The following CADM2 variants were observed in gnomAD, a reference collection of about 807,000 sequenced individuals.
CADM2 encodes the protein cell adhesion molecule 2, also known as immunoglobulin superfamily member 4D.
CADM2 carries 12 observed loss-of-function variants against 49.8 expected under a neutral mutation model. The ratio of observed to expected loss-of-function variants is 0.24; its 90% CI spans 0.15 to 0.39. CADM2 has a LOEUF of 0.39. Among genes scored for constraint, CADM2 ranks in the 10% least tolerant of loss-of-function variants. The pLI is 1.00. For synonymous variants in CADM2, 214 were observed against 175.4 expected (o/e 1.22, Z -1.74); for missense variants, 378 against 492.3 (o/e 0.77, Z 2.20).
chr3:85,693,817 A>AC (rs1194105552), intron 1 of CADM2, among the ~76,000 whole-genome samples: 3 of 149,208 alleles, frequency 2.0e-5, no homozygotes, highest in African/African-American at 7.4e-5. Flanking sequence ...AATCACTTGA[A>AC]CCCGGGAGGC....
In CADM2 at chr3:84,981,403, A is replaced by C. The variant is rs986094373; in HGVS notation, c.61+21735A>C. On this transcript the variant is annotated intron_variant, in intron 1 of 9. Transcript: ENST00000383699. Reference sequence around the variant, plus strand: ...CTAGGGTGCCAGAGAAAGGAGGGGCACAGAAGACAGAAAAGGGAGGAATCT... The same window carrying C: ...CTAGGGTGCCAGAGAAAGGAGGGGCCCAGAAGACAGAAAAGGGAGGAATCT... Among the ~76,000 whole-genome samples, 7 of 152,096 alleles carry C rather than the reference A, an allele frequency of 4.6e-5. No individual in the cohort carries two copies. In the East Asian group the frequency reaches 1.4e-3, roughly 29 times the overall value.
chr3:85,693,894 T>TA (rs533492777), intron 1 of CADM2, among the ~76,000 whole-genome samples: 246 of 76,334 alleles, frequency 3.2e-3, no homozygotes, highest in Middle Eastern at 9.1e-3. Flanking sequence ...AGACTCCCTC[T>TA]AAAAAAAAAA....
chr3:85,748,012 A>G (rs2068689936), intron 2 of CADM2, among the ~76,000 whole-genome samples: 2 of 152,136 alleles, frequency 1.3e-5, no homozygotes, highest in Non-Finnish European at 2.9e-5. Context: ...AATGCAAAGA[A>G]ATATGGTTCA....
chr3:85,174,227 A>G (rs929222067), intron 1 of CADM2, among the ~76,000 whole-genome samples: 8 of 152,164 alleles, frequency 5.3e-5, no homozygotes, highest in African/African-American at 1.9e-4. Context: ...ATAGGTGTCT[A>G]ATCCTTCTTT....
At chr3:85,213,761 A>T (rs187447663) in intron 1 of CADM2, among the ~76,000 whole-genome samples, 1 of 151,802 alleles carries the variant, frequency 6.6e-6, no homozygotes, top group South Asian at 2.1e-4. Flanking sequence ...ATTATTTTTT[A>T]TACTTTTTTC....
chr3:85,717,959 G>C (rs1470225387), intron 1 of CADM2, among the ~76,000 whole-genome samples: 1 of 152,034 alleles, frequency 6.6e-6, no homozygotes, highest in African/African-American at 2.4e-5. Context: ...TAGTAGAGAT[G>C]GGGTTACACC....
At chr3:86,019,950 C>T (rs1328088965) in intron 8 of CADM2, among the ~76,000 whole-genome samples, 2 of 152,052 alleles carry the variant, frequency 1.3e-5, no homozygotes, top group Non-Finnish European at 2.9e-5. Context: ...CAAGAGCAAA[C>T]ACATTCAAAA....
intron 1 of CADM2, among the ~76,000 whole-genome samples, chr3:85,602,912 C>T (rs2063448787): frequency 6.6e-6 from 1 of 151,700 alleles, no homozygotes; most frequent in South Asian, 2.1e-4. Context: ...TTTCCAGTAT[C>T]ACTTTTGCCG....
intron 1 of CADM2, among the ~76,000 whole-genome samples, chr3:85,704,718 C>T (rs529243236): frequency 2.0e-5 from 3 of 151,992 alleles, no homozygotes; most frequent in African/African-American, 7.2e-5. Flanking sequence ...CTTAAAAAAA[C>T]TAAGGTATAC....
intron 1 of CADM2, among the ~76,000 whole-genome samples, chr3:85,274,723 A>AGTGATCAAGACAGACCTTCTT (rs1277288654): frequency 6.6e-6 from 1 of 151,602 alleles, no homozygotes; most frequent in Admixed American, 6.6e-5. Flanking sequence ...GGACAACAGT[A>AGTGATCAAGACAGACCTTCTT]GTGATCAAGA....
intron 1 of CADM2, among the ~76,000 whole-genome samples, chr3:85,159,532 CAA>C (rs2040249708): frequency 6.6e-6 from 1 of 152,070 alleles, no homozygotes; most frequent in African/African-American, 2.4e-5. Flanking sequence ...TCACATGAGA[CAA>C]TACTTTAAAT....
intron 1 of CADM2, among the ~76,000 whole-genome samples, chr3:85,087,721 T>C (rs977706938): frequency 6.6e-6 from 1 of 152,196 alleles, no homozygotes; most frequent in Non-Finnish European, 1.5e-5. Context: ...TGACAATTTA[T>C]TGAATGCACA....
chr3:85,961,475 A>G lies in CADM2; in HGVS notation c.798A>G (p.Glu266=). 1.3e-6 allele frequency: 2 copies of G among 1,592,906 alleles called. No individual in the cohort carries two copies. Among genetic ancestry groups the G allele is most frequent in the Non-Finnish European group, 8.6e-7 (1 of 1,164,850 alleles). ...TCESKGKPLP[E]PVLWTKDGGE... is the part of the protein sequence containing the mutation. ...GCATGTTTCAATCCAATAGGCCAGAACCTGTTTTGTGGACAAAGGATGGCG... is the reference window on the plus strand; with the variant it reads ...GCATGTTTCAATCCAATAGGCCAGAGCCTGTTTTGTGGACAAAGGATGGCG... Residue 266 remains glutamate, a synonymous_variant, in exon 8 of 10, where the codon GAA becomes GAG. Transcript: ENST00000383699.
At chr3:86,058,431 C>T (rs546359089) in intron 8 of CADM2, among the ~76,000 whole-genome samples, 8 of 151,980 alleles carry the variant, frequency 5.3e-5, no homozygotes, top group Non-Finnish European at 1.2e-4. Context: ...TAGTCACTGA[C>T]AATGCTGGGA....
rs1739401870 is a variant in CADM2, at chr3:86,066,924, C to A, written c.*141C>A. On this transcript the variant is annotated 3_prime_UTR_variant, in exon 10 of 10. Coordinates refer to ENST00000383699, the MANE Select transcript of CADM2 (RefSeq NM_001167675.2). ...TACTGCTATCAGTAGCCAGTGTATACCAACAATCAGCTGTTGAAAGCATCA... is the reference window on the plus strand; with the variant it reads ...TACTGCTATCAGTAGCCAGTGTATAACAACAATCAGCTGTTGAAAGCATCA... The A allele has an allele frequency of 1.1e-5, 7 of 659,280 alleles. No homozygotes were observed. In the East Asian group the frequency reaches 1.8e-4, roughly 17 times the overall value. 40.8% of individuals were successfully genotyped at this position (659,280 alleles called of 1,614,324 possible). A position where few individuals can be genotyped will look rare whatever the true frequency, so the allele number is the denominator to read the frequency against.
intron 1 of CADM2, among the ~76,000 whole-genome samples, chr3:84,982,257 A>C (rs1459131527): frequency 6.6e-6 from 1 of 152,170 alleles, no homozygotes; most frequent in Non-Finnish European, 1.5e-5. Context: ...TGTTTTTTGT[A>C]AATGAAATAT....
intron 1 of CADM2, among the ~76,000 whole-genome samples, chr3:85,524,016 A>C (rs116601861): frequency 1.1e-3 from 166 of 152,274 alleles, no homozygotes; most frequent in African/African-American, 3.9e-3. Context: ...CAAGATGTAC[A>C]TATGCTTCCA....
At chr3:85,677,189 T>A (rs1378258970) in intron 1 of CADM2, among the ~76,000 whole-genome samples, 4 of 152,174 alleles carry the variant, frequency 2.6e-5, no homozygotes, top group Non-Finnish European at 5.9e-5. Context: ...ATGTTTTTTT[T>A]AACCCAGGGA....
At chr3:85,106,049 C>T (rs2038211241) in intron 1 of CADM2, among the ~76,000 whole-genome samples, 1 of 152,078 alleles carries the variant, frequency 6.6e-6, no homozygotes, top group Non-Finnish European at 1.5e-5. Context: ...ACATATGTAA[C>T]AAACCTGCAC....
Sources: gnomAD v4.1 joint callset for allele counts (sites outside exome capture counted in the v4.1 genomes callset) on GRCh38, gnomAD v4.1.1 for gene constraint, MANE v1.5 for transcripts, NCBI Gene and HGNC (gene_info 2026-07-23, HGNC 2026-07-21) for gene names.